SH3RF1: variants seen among roughly 807,000 people sequenced by gnomAD.
The protein encoded by SH3RF1 is E3 ubiquitin-protein ligase SH3RF1.
In SH3RF1, 32 loss-of-function variants were observed where a neutral mutation model predicts 74.0. That is an observed-to-expected ratio of 0.43 (90% CI 0.33 to 0.58). The LOEUF (loss-of-function observed/expected upper bound fraction) is 0.58. Ranked by LOEUF, SH3RF1 falls within the 20% of genes least tolerant of loss-of-function variation. The pLI is 0.05. For synonymous variants in SH3RF1, 396 were observed against 439.6 expected (o/e 0.90, Z 1.24); for missense variants, 954 against 1,130.9 (o/e 0.84, Z 2.24).
intron 4 of SH3RF1, among the ~76,000 whole-genome samples, chr4:169,151,397 G>C (rs1301403854): frequency 1.3e-5 from 2 of 152,158 alleles, no homozygotes; most frequent in Non-Finnish European, 2.9e-5. Context: ...AGTATCACTG[G>C]AACTTATTAT....
intron 8 of SH3RF1, among the ~76,000 whole-genome samples, chr4:169,119,527 T>C (rs957685343): frequency 2.6e-5 from 4 of 152,168 alleles, no homozygotes; most frequent in African/African-American, 9.7e-5. Flanking sequence ...ATTTTTTTGT[T>C]CTTTGTTGCA....
intron 4 of SH3RF1, among the ~76,000 whole-genome samples, chr4:169,140,738 GA>G (rs1232489802): frequency 6.6e-6 from 1 of 152,016 alleles, no homozygotes; most frequent in Non-Finnish European, 1.5e-5. Context: ...ATTTTAAAGA[GA>G]AAAAATTTTT....
chr4:169,260,924 A>C (rs1731267723), intron 2 of SH3RF1, among the ~76,000 whole-genome samples: 2 of 152,182 alleles, frequency 1.3e-5, no homozygotes, highest in African/African-American at 4.8e-5. Context: ...TCATCATCCC[A>C]AATAGAAATG....
chr4:169,249,049 A>C (rs1222603109), intron 2 of SH3RF1, among the ~76,000 whole-genome samples: 5 of 151,178 alleles, frequency 3.3e-5, no homozygotes. Context: ...AACTCGGTGA[A>C]ACCCCATCTC....
At chr4:169,232,771 T>TA (rs2127008054) in intron 2 of SH3RF1, among the ~76,000 whole-genome samples, 1 of 152,312 alleles carries the variant, frequency 6.6e-6, no homozygotes, top group African/African-American at 2.4e-5. Context: ...TGCTACTAGA[T>TA]ATGTTTTTAC....
chr4:169,243,986 G>C (rs1008581045), intron 2 of SH3RF1, among the ~76,000 whole-genome samples: 2 of 152,168 alleles, frequency 1.3e-5, no homozygotes, highest in African/African-American at 4.8e-5. Context: ...TGTGAAGTCT[G>C]TCTCTAGGGC....
At chr4:169,176,112 C>T (rs895504649) in intron 2 of SH3RF1, among the ~76,000 whole-genome samples, 1 of 152,176 alleles carries the variant, frequency 6.6e-6, no homozygotes, top group African/African-American at 2.4e-5. Context: ...CAGATTCTGC[C>T]AGCTCCTTGA....
At chr4:169,113,955 GAAC>G (rs1314709105) in intron 10 of SH3RF1, among the ~76,000 whole-genome samples, 2 of 152,128 alleles carry the variant, frequency 1.3e-5, no homozygotes, top group Non-Finnish European at 2.9e-5. Context: ...TCAAAATAAA[GAAC>G]AACGGTTGGA....
At chr4:169,110,766 C>G (rs2126940058) in intron 10 of SH3RF1, among the ~76,000 whole-genome samples, 1 of 152,230 alleles carries the variant, frequency 6.6e-6, no homozygotes, top group East Asian at 1.9e-4. Flanking sequence ...GGAATGCTGG[C>G]TTTTAGGAAT....
At chr4:169,186,074 A>G (rs1734597119) in intron 2 of SH3RF1, among the ~76,000 whole-genome samples, 1 of 152,196 alleles carries the variant, frequency 6.6e-6, no homozygotes, top group Non-Finnish European at 1.5e-5. Flanking sequence ...ACTAGTAAGG[A>G]AAGAGTGTCA....
intron 2 of SH3RF1, among the ~76,000 whole-genome samples, chr4:169,246,663 G>C (rs1290169143): frequency 6.6e-6 from 1 of 152,234 alleles, no homozygotes; most frequent in Admixed American, 6.5e-5. Context: ...TAAAAGACCT[G>C]TTTGGAATCC....
At chr4:169,165,625 G>A (rs1734225257) in intron 2 of SH3RF1, among the ~76,000 whole-genome samples, 1 of 139,448 alleles carries the variant, frequency 7.2e-6, no homozygotes, top group African/African-American at 3.1e-5. Flanking sequence ...CTCTGTCTCA[G>A]AGAAAAAAAG....
At chr4:169,113,185 A>C (rs915479717) in intron 10 of SH3RF1, among the ~76,000 whole-genome samples, 4 of 150,774 alleles carry the variant, frequency 2.7e-5, no homozygotes, top group Non-Finnish European at 5.9e-5. Context: ...ATCTCGGCTC[A>C]CTGCAACCTC....
At position 169,095,726 on chromosome 4, in the gene SH3RF1, T is replaced by A. The variant is rs919014512; in HGVS notation, c.*793A>T. ...GCTGCTTCTGCTATAAAACTAAATA[T>A]ATTTCTAAATACATTTTGTTCAAGG... On this transcript the variant is annotated 3_prime_UTR_variant, in exon 12 of 12. Transcript: ENST00000284637. 7.2e-5 allele frequency: 11 copies of A among 152,642 alleles called. No homozygotes were observed. Among genetic ancestry groups the A allele is most frequent in the African/African-American group, 2.7e-4 (11 of 41,458 alleles). The allele number at this position is 152,642 out of a possible 1,614,324, so 9.5% of individuals were successfully genotyped here.
intron 2 of SH3RF1, among the ~76,000 whole-genome samples, chr4:169,265,745 G>A (rs1731341589): frequency 6.6e-6 from 1 of 151,986 alleles, no homozygotes; most frequent in South Asian, 2.1e-4. Flanking sequence ...CAAACTGCTG[G>A]GATTATAGGC....
At chr4:169,163,405 C>T (rs1734183400) in intron 2 of SH3RF1, among the ~76,000 whole-genome samples, 1 of 152,156 alleles carries the variant, frequency 6.6e-6, no homozygotes, top group South Asian at 2.1e-4. Context: ...GAACCTGAGG[C>T]AGCACTCAGG....
intron 11 of SH3RF1, 136 bp from the exon 12 acceptor site, chr4:169,096,823 A>G: frequency 2.3e-6 from 2 of 855,154 alleles, no homozygotes; most frequent in East Asian, 5.3e-5. Flanking sequence ...ACAACTCAAA[A>G]TACTGCTATT....
intron 11 of SH3RF1, among the ~76,000 whole-genome samples, chr4:169,103,013 C>T (rs1043533279): frequency 8.7e-5 from 13 of 149,482 alleles, no homozygotes; most frequent in African/African-American, 3.2e-4. Flanking sequence ...CCTCCACCTC[C>T]CGGGTTCAAG....
intron 2 of SH3RF1, among the ~76,000 whole-genome samples, chr4:169,222,293 G>A (rs545110742): frequency 3.6e-4 from 55 of 151,940 alleles, no homozygotes; most frequent in Admixed American, 2.6e-3. Flanking sequence ...GTGAAACCCC[G>A]TCTCTACTAA....
Sources: allele counts gnomAD v4.1 joint callset (sites outside exome capture counted in the v4.1 genomes callset), GRCh38; gene constraint gnomAD v4.1.1; transcripts MANE v1.5; gene names NCBI Gene and HGNC (gene_info 2026-07-23, HGNC 2026-07-21).